SCUBE2: variants seen among roughly 807,000 people sequenced by gnomAD.
The protein encoded by SCUBE2 is signal peptide, CUB domain and EGF like domain containing 2.
In SCUBE2, 114 loss-of-function variants were observed where a neutral mutation model predicts 125.9. The observed-to-expected ratio is 0.91, with a 90% CI of 0.78 to 1.06. The LOEUF (loss-of-function observed/expected upper bound fraction) is 1.06. SCUBE2 is among the 50% of genes least tolerant of loss of function. The probability of loss-of-function intolerance (pLI) is 0.00; values close to 1 mark genes in which losing one functional copy is unlikely to be tolerated. For missense variants in SCUBE2, 1,255 were observed against 1,301.8 expected, an observed-to-expected ratio of 0.96 and a Z score of 0.55; for synonymous variants, 459 against 492.9, an observed-to-expected ratio of 0.93 and a Z score of 0.91.
At chr11:9,035,738 A>C (rs1856700044) in intron 16 of SCUBE2, among the ~76,000 whole-genome samples, 1 of 152,126 alleles carries the variant, frequency 6.6e-6, no homozygotes, top group Non-Finnish European at 1.5e-5. Context: ...CTTTTGGATC[A>C]TGGTAAGCAA....
chr11:9,052,832 C>A lies in SCUBE2; in HGVS notation c.1448G>T (p.Gly483Val). The A allele has an allele frequency of 6.5e-7, 1 of 1,535,732 alleles. No homozygotes were observed. Among genetic ancestry groups the A allele is most frequent in the South Asian group, 1.2e-5 (1 of 83,984 alleles). Residue 483 changes from glycine (G) to valine (V), a missense_variant and splice_region_variant, in exon 13 of 23, where the codon GGA becomes GTA. Physicochemically the swap from Gly to Val is moderately radical, Grantham distance 109. Transcript: ENST00000649792. ...GGTGACAGAGTAGGCCCCTTGCAGTCCTGACAGACAGAATGTCAATTGTCA... is the reference window on the plus strand; with the variant it reads ...GGTGACAGAGTAGGCCCCTTGCAGTACTGACAGACAGAATGTCAATTGTCA... ...RCHSGIHLSS[G>V]LQGAYSVTCG... is the part of the protein sequence containing the mutation.
chr11:9,050,776 A>G (rs1208680205), intron 13 of SCUBE2, 66 bp from the exon 14 acceptor site: 4 of 1,256,468 alleles, frequency 3.2e-6, no homozygotes, highest in Non-Finnish European at 4.7e-6. Flanking sequence ...CCAGATGGGA[A>G]GCAGCAAGCT....
rs538008935 is a variant in SCUBE2 at position 9,020,683 on chromosome 11, C to T, written c.*362G>A. ...GAAGTTTCAGAATAAGCAGCTTATT[C>T]TGTGGCCTCCTTTCCACTACAGACT... On this transcript the variant is annotated 3_prime_UTR_variant, in exon 23 of 23. Coordinates refer to ENST00000649792, the MANE Select transcript of SCUBE2 (RefSeq NM_001367977.2). The T allele has an allele frequency of 8.7e-5, 14 of 161,818 alleles. No homozygotes were observed. The highest frequency in any genetic ancestry group is 1.5e-4 in the Non-Finnish European group (11 of 74,732). 10.0% of individuals were successfully genotyped at this position (161,818 alleles called of 1,614,324 possible).
At position 9,047,459 on chromosome 11, in the gene SCUBE2, CT is replaced by C; in HGVS notation, c.1898del (p.Gln633ArgfsTer5). The C allele has an allele frequency of 6.2e-7, 1 of 1,614,026 alleles. No homozygotes were observed. Among genetic ancestry groups the C allele is most frequent in the South Asian group, 1.1e-5 (1 of 91,068 alleles). On this transcript the variant is annotated frameshift_variant, in exon 16 of 23. Transcript: ENST00000649792. LOFTEE classifies it high-confidence loss of function. ...KAVHREQFHL[Q>X]LSGMNLDVAK... ...CCACGTCGAGGTTCATGCCTGAGAG[CT>C]GGAGGTGAAACTGCTCCCTGTGGAC... is the stretch of plus-strand genomic sequence containing the variant.
At chr11:9,060,958 G>A (rs1467576469) in intron 7 of SCUBE2, among the ~76,000 whole-genome samples, 4 of 152,098 alleles carry the variant, frequency 2.6e-5, no homozygotes, top group South Asian at 2.1e-4. Context: ...AAGCATCGCC[G>A]CCCCAACCAC....
chr11:9,045,724 T>C (rs930742980), intron 16 of SCUBE2, among the ~76,000 whole-genome samples: 2 of 151,860 alleles, frequency 1.3e-5, no homozygotes, highest in African/African-American at 4.8e-5. Context: ...GACACTTCTT[T>C]ACACCCACTT....
At chr11:9,025,559 A>G in intron 21 of SCUBE2, 143 bp downstream of exon 21, 1 of 945,778 alleles carries the variant, frequency 1.1e-6, no homozygotes, top group Non-Finnish European at 1.6e-6. Flanking sequence ...AAAATTTGGC[A>G]CTTGTGAGTC....
At chr11:9,040,977 C>G (rs572964039) in intron 16 of SCUBE2, among the ~76,000 whole-genome samples, 1 of 152,308 alleles carries the variant, frequency 6.6e-6, no homozygotes, top group African/African-American at 2.4e-5. Context: ...CATCATGAGA[C>G]AGAAACAGTT....
chr11:9,035,178 C>T (rs749682860), intron 16 of SCUBE2, among the ~76,000 whole-genome samples: 6 of 152,188 alleles, frequency 3.9e-5, no homozygotes, highest in African/African-American at 2.4e-5. Flanking sequence ...TCAGAGTCAT[C>T]GCATTTCTAA....
At position 9,026,847 on chromosome 11, in the gene SCUBE2, A is replaced by C. The variant is rs143848124; in HGVS notation, c.2701+517T>G. The C allele has an allele frequency of 3.8e-4, 61 of 160,494 alleles. No individual in the cohort carries two copies. In the East Asian group the frequency reaches 5.7e-3, roughly 15 times the overall value. 9.9% of individuals were successfully genotyped at this position (160,494 alleles called of 1,614,324 possible). A position where few individuals can be genotyped will look rare whatever the true frequency, so the allele number is the denominator to read the frequency against. The stretch of plus-strand genomic sequence containing the variant: ...CAGAAAGATTCAGAATGTGTGCCCG[A>C]GATCATAGAACTAGTAAGAGGTGGA... On this transcript the variant is annotated intron_variant, in intron 20 of 22. Transcript: ENST00000649792.
chr11:9,027,115 C>T (rs1340455993), intron 20 of SCUBE2: 1 of 511,352 alleles, frequency 2.0e-6, no homozygotes, highest in East Asian at 3.5e-5. Flanking sequence ...GAAGAGGGTC[C>T]AAAACGCCCC....
chr11:9,050,528 T>G, intron 14 of SCUBE2, 78 bp downstream of exon 14: 1 of 1,118,830 alleles, frequency 8.9e-7, no homozygotes. Context: ...CTGGCCCCCA[T>G]GGACCTCCAG....
At chr11:9,085,431 A>G (rs557536440) in intron 2 of SCUBE2, among the ~76,000 whole-genome samples, 2 of 152,352 alleles carry the variant, frequency 1.3e-5, no homozygotes, top group South Asian at 4.1e-4. Context: ...AAGTTTTTTA[A>G]AAAGAAAAAT....
intron 13 of SCUBE2, among the ~76,000 whole-genome samples, chr11:9,052,469 T>C (rs925063689): frequency 6.6e-6 from 1 of 152,224 alleles, no homozygotes; most frequent in African/African-American, 2.4e-5. Flanking sequence ...TACAGCCTGC[T>C]GGTCCTGGGG....
chr11:9,055,964 G>T, intron 9 of SCUBE2, 55 bp from the exon 10 acceptor site: 1 of 1,366,328 alleles, frequency 7.3e-7, no homozygotes, highest in Non-Finnish European at 1.0e-6. Flanking sequence ...GATGAGTGAA[G>T]AATAGGTTTA....
chr11:9,046,045 C>T (rs1297421705), intron 16 of SCUBE2, among the ~76,000 whole-genome samples: 9 of 132,688 alleles, frequency 6.8e-5, no homozygotes, highest in Non-Finnish European at 1.1e-4. Flanking sequence ...CTTGCTCTGT[C>T]GCCCAGGCTG....
intron 7 of SCUBE2, among the ~76,000 whole-genome samples, chr11:9,061,571 G>GAAAAAAAAAA (rs11301303): frequency 7.9e-5 from 8 of 101,120 alleles, no homozygotes; most frequent in Admixed American, 3.3e-4. Flanking sequence ...GAAAAGAAAA[G>GAAAAAAAAAA]AAAAAAAAAA....
At chr11:9,070,075 C>T (rs1250776854) in intron 4 of SCUBE2, among the ~76,000 whole-genome samples, 2 of 152,086 alleles carry the variant, frequency 1.3e-5, no homozygotes, top group Non-Finnish European at 2.9e-5. Context: ...TCCCTTGATC[C>T]CTCCCTCAGG....
chr11:9,039,667 C>T (rs570676583), intron 16 of SCUBE2, among the ~76,000 whole-genome samples: 6 of 152,114 alleles, frequency 3.9e-5, no homozygotes, highest in African/African-American at 1.4e-4. Context: ...AAATAAGAAA[C>T]AAACGAAGCT....
Sources: allele counts gnomAD v4.1 joint callset (sites outside exome capture counted in the v4.1 genomes callset), GRCh38; gene constraint gnomAD v4.1.1; transcripts MANE v1.5; gene names NCBI Gene and HGNC (gene_info 2026-07-23, HGNC 2026-07-21).